The following SEPTIN2 variants were observed in gnomAD, a reference collection of about 807,000 sequenced individuals.
SEPTIN2 encodes septin-2.
A neutral mutation model predicts 46.5 loss-of-function variants in SEPTIN2; 34 were observed. The ratio of observed to expected loss-of-function variants is 0.73; its 90% CI spans 0.56 to 0.97. The LOEUF is 0.97. Among genes scored for constraint, SEPTIN2 ranks in the 50% least tolerant of loss-of-function variants. SEPTIN2 has a pLI of 0.00. For missense variants in SEPTIN2, 347 were observed against 448.4 expected, an observed-to-expected ratio of 0.77 and a Z score of 2.04; for synonymous variants, 175 against 153.4, an observed-to-expected ratio of 1.14 and a Z score of -1.04.
chr2:241,335,357 T>C (rs1382010108), intron 4 of SEPTIN2, 145 bp downstream of exon 4: 6 of 1,552,660 alleles, frequency 3.9e-6, no homozygotes, highest in Non-Finnish European at 5.2e-6. Context: ...ATGGGGTAGG[T>C]GTGCTGCACC....
At chr2:241,318,780 A>C (rs1303480200) in intron 1 of SEPTIN2, among the ~76,000 whole-genome samples, 1 of 145,824 alleles carries the variant, frequency 6.9e-6, no homozygotes, top group African/African-American at 2.6e-5. Flanking sequence ...AGCTCACTGC[A>C]CCCTCCACCT....
At chr2:241,323,506 C>T (rs1313237881) in intron 1 of SEPTIN2, among the ~76,000 whole-genome samples, 3 of 152,208 alleles carry the variant, frequency 2.0e-5, no homozygotes, top group African/African-American at 7.2e-5. Context: ...GGTCTGCCTA[C>T]CTCGGCCTCC....
intron 12 of SEPTIN2, among the ~76,000 whole-genome samples, 170 bp downstream of exon 12, chr2:241,350,373 T>C (rs990738588): frequency 6.6e-6 from 1 of 152,244 alleles, no homozygotes; most frequent in African/African-American, 2.4e-5. Context: ...GCCACTACTT[T>C]GCCACCTACT....
intron 10 of SEPTIN2, among the ~76,000 whole-genome samples, chr2:241,347,535 G>A (rs1210489779): frequency 6.6e-6 from 1 of 152,092 alleles, no homozygotes; most frequent in African/African-American, 2.4e-5. Flanking sequence ...CTTAAATGTG[G>A]TGACTACATT....
In SEPTIN2 at chr2:241,327,964, G is replaced by T. The variant is rs990339072; in HGVS notation, c.130+1851G>T. Among the ~76,000 whole-genome samples, 9 of 152,066 alleles carry T rather than the reference G, an allele frequency of 5.9e-5. No individual in the cohort carries two copies. In the South Asian group the frequency reaches 1.9e-3, roughly 32 times the overall value. On this transcript the variant is annotated intron_variant, in intron 3 of 12. Transcript: ENST00000391971. ...GCTACTTGAGAGGCTGAGGCAGGAG[G>T]ATCACCTCAGCCTGAGACGTCAGGC...
chr2:241,336,425 G>A, intron 5 of SEPTIN2: 1 of 287,486 alleles, frequency 3.5e-6, no homozygotes, highest in African/African-American at 2.2e-5. Flanking sequence ...AAACCTGTTA[G>A]AGAGTGGGTT....
chr2:241,346,323 G>T, intron 10 of SEPTIN2, 74 bp downstream of exon 10: 2 of 1,159,690 alleles, frequency 1.7e-6, no homozygotes, highest in Non-Finnish European at 2.5e-6. Context: ...TATGTGTTCA[G>T]CTCAGCCTTC....
intron 1 of SEPTIN2, among the ~76,000 whole-genome samples, chr2:241,323,547 A>G (rs2077463883): frequency 6.6e-6 from 1 of 152,130 alleles, no homozygotes; most frequent in Non-Finnish European, 1.5e-5. Flanking sequence ...CGTGAGCATC[A>G]CGTCTGGCCT....
At chr2:241,334,982 C>G (rs935934833) in intron 3 of SEPTIN2, 144 bp from the exon 4 acceptor site, 6 of 611,966 alleles carry the variant, frequency 9.8e-6, no homozygotes, top group African/African-American at 1.9e-5. Flanking sequence ...GATCATACTG[C>G]AAACATAGTA....
At chr2:241,349,201 G>C (rs1005883030) in intron 11 of SEPTIN2, among the ~76,000 whole-genome samples, 3 of 151,474 alleles carry the variant, frequency 2.0e-5, no homozygotes, top group African/African-American at 7.3e-5. Context: ...TCGTTCTCTA[G>C]AAAAAAATTA....
intron 4 of SEPTIN2, 138 bp from the exon 5 acceptor site, chr2:241,335,837 T>C (rs201273912): frequency 9.2e-6 from 10 of 1,086,818 alleles, no homozygotes; most frequent in Non-Finnish European, 1.2e-5. Context: ...GGGATCTTTT[T>C]TTCTTAATCC....
chr2:241,346,041 T>C, intron 9 of SEPTIN2, 125 bp from the exon 10 acceptor site: 1 of 637,558 alleles, frequency 1.6e-6, no homozygotes, highest in Non-Finnish European at 2.8e-6. Context: ...CCAGCAGCTT[T>C]ATGTACAATT....
intron 7 of SEPTIN2, among the ~76,000 whole-genome samples, chr2:241,339,464 T>C (rs1339140181): frequency 6.6e-6 from 1 of 152,186 alleles, no homozygotes; most frequent in Admixed American, 6.5e-5. Flanking sequence ...GTTTTTGGTT[T>C]TGCAGAATGA....
At chr2:241,337,864 C>A in intron 7 of SEPTIN2, 74 bp downstream of exon 7, 1 of 1,038,936 alleles carries the variant, frequency 9.6e-7, no homozygotes, top group Non-Finnish European at 1.5e-6. Context: ...GGAGTGTGTT[C>A]CCACGCTCAG....
At chr2:241,336,337 A>G (rs2150051949) in intron 5 of SEPTIN2, 4 of 477,736 alleles carry the variant, frequency 8.4e-6, no homozygotes, top group East Asian at 7.2e-5. Flanking sequence ...GACTGCTAGT[A>G]TAAATGAAAC....
intron 10 of SEPTIN2, among the ~76,000 whole-genome samples, chr2:241,347,857 CAAA>C (rs1039583594): frequency 1.9e-4 from 29 of 151,544 alleles, no homozygotes; most frequent in African/African-American, 7.0e-4. Flanking sequence ...CTACTAAACA[CAAA>C]AAAAATTAGC....
chr2:241,325,517 G>A lies in SEPTIN2; in HGVS notation c.10-476G>A, dbSNP rs553571453. Among the ~76,000 whole-genome samples, 82 of 152,064 alleles carry A rather than the reference G, an allele frequency of 5.4e-4. 1 individual carries two copies. The highest frequency in any genetic ancestry group is 3.4e-3 in the Middle Eastern group (1 of 294). The stretch of plus-strand genomic sequence containing the variant: ...CAGCAAGAGAGATGCTTTTTTCCTC[G>A]ATACTTTTCAGAAATGCATTGCACC... On this transcript the variant is annotated intron_variant, in intron 2 of 12. Coordinates refer to ENST00000391971, the MANE Select transcript of SEPTIN2 (RefSeq NM_004404.5).
chr2:241,337,868 C>CGCTCAGTCT (rs1187458495), intron 7 of SEPTIN2, 78 bp downstream of exon 7: 14 of 989,160 alleles, frequency 1.4e-5, no homozygotes, highest in African/African-American at 3.2e-5. Context: ...TGTGTTCCCA[C>CGCTCAGTCT]GCTCAGTCTG....
intron 9 of SEPTIN2, 83 bp from the exon 10 acceptor site, chr2:241,346,083 C>T: frequency 1.1e-6 from 1 of 901,788 alleles, no homozygotes; most frequent in Non-Finnish European, 1.8e-6. Context: ...GCTATTTCTT[C>T]TATGTACTTG....
Sources: gnomAD v4.1 joint callset for allele counts (sites outside exome capture counted in the v4.1 genomes callset) on GRCh38, gnomAD v4.1.1 for gene constraint, MANE v1.5 for transcripts, NCBI Gene and HGNC (gene_info 2026-07-23, HGNC 2026-07-21) for gene names.